EGFLAM: variants seen among roughly 807,000 people sequenced by gnomAD.
EGFLAM encodes the protein pikachurin.
Under a neutral mutation model 113.1 loss-of-function variants are expected in EGFLAM, and 79 were observed. That is an observed-to-expected ratio of 0.70 (90% confidence interval 0.58 to 0.84). EGFLAM has a LOEUF of 0.84. EGFLAM is among the 40% of genes least tolerant of loss of function. The pLI is 0.00. For synonymous variants in EGFLAM, 504 were observed against 487.6 expected (o/e 1.03, Z -0.44); for missense variants, 1,265 against 1,291.6 (o/e 0.98, Z 0.32).
At chr5:38,431,710 T>C (rs1441792479) in intron 15 of EGFLAM, among the ~76,000 whole-genome samples, 1 of 152,176 alleles carries the variant, frequency 6.6e-6, no homozygotes, top group Admixed American at 6.5e-5. Flanking sequence ...TCTGGCTCAA[T>C]TACTTACCAG....
At chr5:38,352,741 T>C (rs565082032) in intron 5 of EGFLAM, among the ~76,000 whole-genome samples, 142 of 151,912 alleles carry the variant, frequency 9.3e-4, no homozygotes, top group Non-Finnish European at 1.8e-3. Flanking sequence ...ACCATATATA[T>C]ATTTAAGAGC....
rs150437887 is a variant in EGFLAM at position 38,447,327 on chromosome 5, T to C, written c.2465-974T>C. On this transcript the variant is annotated intron_variant, in intron 17 of 21. Transcript: ENST00000322350. ...AGAGCTGGTCAGTTTCAAGGCCTAG[T>C]GCTCTCTTAACTACGTGATCTCAGG... Among the ~76,000 whole-genome samples the C allele has an allele frequency of 1.9e-4, 29 of 152,346 alleles. 1 individual carries two copies. The East Asian group carries it at 5.2e-3, about 27-fold the overall frequency.
At chr5:38,437,649 C>T (rs889825716) in intron 16 of EGFLAM, among the ~76,000 whole-genome samples, 1 of 152,078 alleles carries the variant, frequency 6.6e-6, no homozygotes, top group Non-Finnish European at 1.5e-5. Flanking sequence ...TCTTAAGAGC[C>T]CGCCAGGTGG....
At chr5:38,260,271 GA>G (rs1262195565) in intron 1 of EGFLAM, among the ~76,000 whole-genome samples, 18 of 152,196 alleles carry the variant, frequency 1.2e-4, no homozygotes, top group Non-Finnish European at 2.5e-4. Context: ...TTATTCACAT[GA>G]AATCATCTAT....
intron 5 of EGFLAM, among the ~76,000 whole-genome samples, chr5:38,357,675 C>A (rs891384136): frequency 1.3e-5 from 2 of 152,126 alleles, no homozygotes. Context: ...ATTGGTTTAT[C>A]CCCAGAAGTG....
intron 5 of EGFLAM, among the ~76,000 whole-genome samples, chr5:38,361,621 TAA>T (rs145714887): frequency 8.8e-5 from 13 of 147,148 alleles, no homozygotes; most frequent in East Asian, 2.0e-4. Context: ...CTGATGAACT[TAA>T]AAAAAAAAAA....
At chr5:38,404,278 C>T (rs1741208515) in intron 6 of EGFLAM, among the ~76,000 whole-genome samples, 1 of 152,196 alleles carries the variant, frequency 6.6e-6, no homozygotes, top group Admixed American at 6.5e-5. Context: ...CAAGGAGGGG[C>T]CTTTGGGAGG....
chr5:38,447,413 C>T (rs1742749456), intron 17 of EGFLAM, among the ~76,000 whole-genome samples: 1 of 152,154 alleles, frequency 6.6e-6, no homozygotes, highest in South Asian at 2.1e-4. Context: ...ATAACCAACC[C>T]TTCCCTTCCC....
At chr5:38,357,317 T>C (rs2451007) in intron 5 of EGFLAM, among the ~76,000 whole-genome samples, 34,057 of 150,300 alleles carry the variant, frequency 0.23, 4,155 homozygotes, top group African/African-American at 0.34. Context: ...TGGACCCTCA[T>C]CACACACTGA....
intron 12 of EGFLAM, among the ~76,000 whole-genome samples, chr5:38,422,243 G>A (rs898884380): frequency 1.3e-5 from 2 of 152,064 alleles, no homozygotes; most frequent in Non-Finnish European, 2.9e-5. Flanking sequence ...TATGGTAGGC[G>A]CTGGTGAAAG....
chr5:38,440,551 G>A lies in EGFLAM; in HGVS notation c.2464+2096G>A, dbSNP rs2731973. Among the ~76,000 whole-genome samples the A allele has an allele frequency of 2.6e-5, 4 of 152,334 alleles. No homozygotes were observed. In the East Asian group the frequency reaches 7.7e-4, roughly 29 times the overall value. On this transcript the variant is annotated intron_variant, in intron 17 of 21. Coordinates refer to ENST00000322350, the MANE Select transcript of EGFLAM (RefSeq NM_152403.4). ...GGCGATTATGTTGTTCCATAGAGAT[G>A]CAAGAGAATACATAGAAAGTTTGCG...
intron 17 of EGFLAM, among the ~76,000 whole-genome samples, chr5:38,447,144 G>A (rs1020125275): frequency 6.6e-5 from 10 of 152,020 alleles, no homozygotes; most frequent in Admixed American, 2.0e-4. Context: ...CTCATCCCCC[G>A]TTCATGACAT....
At chr5:38,327,568 A>G (rs1034135375) in intron 1 of EGFLAM, among the ~76,000 whole-genome samples, 1 of 152,190 alleles carries the variant, frequency 6.6e-6, no homozygotes. Flanking sequence ...TCTGTTTAAT[A>G]CTACATCATA....
rs1007547917 is a variant in EGFLAM at position 38,464,339 on chromosome 5, G to A, written c.*353G>A. 1 of 208,344 alleles carries A rather than the reference G, an allele frequency of 4.8e-6. No individual in the cohort carries two copies. The allele number at this position is 208,344 out of a possible 1,614,324, so 12.9% of individuals were successfully genotyped here. A position where few individuals can be genotyped will look rare whatever the true frequency, so the allele number is the denominator to read the frequency against. ...TCATAGTACATTAAAAAGAGAGAGA[G>A]AGAGAAAGAATCCCACAGGGCACTA... is the stretch of plus-strand genomic sequence containing the variant. On this transcript the variant is annotated 3_prime_UTR_variant, in exon 22 of 22. Coordinates refer to ENST00000322350, the MANE Select transcript of EGFLAM (RefSeq NM_152403.4).
intron 19 of EGFLAM, among the ~76,000 whole-genome samples, chr5:38,456,304 G>A (rs1743083847): frequency 6.6e-6 from 1 of 152,146 alleles, no homozygotes; most frequent in Non-Finnish European, 1.5e-5. Context: ...TAGCGAGTCT[G>A]GGGATCAAGG....
intron 17 of EGFLAM, among the ~76,000 whole-genome samples, chr5:38,439,027 T>C (rs1742447772): frequency 6.6e-6 from 1 of 152,174 alleles, no homozygotes; most frequent in African/African-American, 2.4e-5. Flanking sequence ...ATAATAGCAG[T>C]ATTATTGTGT....
chr5:38,318,955 T>G (rs1246891303), intron 1 of EGFLAM, among the ~76,000 whole-genome samples: 1 of 152,184 alleles, frequency 6.6e-6, no homozygotes, highest in Non-Finnish European at 1.5e-5. Context: ...TGAGGTTATC[T>G]GAGAGAACTT....
At chr5:38,354,090 C>A (rs1049071062) in intron 5 of EGFLAM, among the ~76,000 whole-genome samples, 40 of 152,222 alleles carry the variant, frequency 2.6e-4, no homozygotes, top group Admixed American at 1.4e-3. Context: ...GAGGATTGGA[C>A]CCTCAAAGGA....
intron 1 of EGFLAM, among the ~76,000 whole-genome samples, chr5:38,289,076 AG>A (rs1052271618): frequency 6.6e-6 from 1 of 152,182 alleles, no homozygotes; most frequent in Non-Finnish European, 1.5e-5. Context: ...GGTGGTACAA[AG>A]CAGAACCTCT....
Sources: allele counts gnomAD v4.1 joint callset (sites outside exome capture counted in the v4.1 genomes callset), GRCh38; gene constraint gnomAD v4.1.1; transcripts MANE v1.5; gene names NCBI Gene and HGNC (gene_info 2026-07-23, HGNC 2026-07-21).